Variants in PCARE observed in about 807,000 individuals in gnomAD.
PCARE encodes the protein photoreceptor cilium actin regulator, also known as uncharacterized protein C2orf71.
Under a neutral mutation model 82.2 loss-of-function variants are expected in PCARE, and 72 were observed. The ratio of observed to expected loss-of-function variants is 0.88; its 90% confidence interval spans 0.72 to 1.07. The LOEUF (loss-of-function observed/expected upper bound fraction) is 1.07, where lower values mean the gene tolerates loss of function less well. Among genes scored for constraint, PCARE ranks in the 50% least tolerant of loss-of-function variants. The probability of loss-of-function intolerance (pLI) is 0.00; values close to 1 mark genes in which losing one functional copy is unlikely to be tolerated. For synonymous variants in PCARE, 705 were observed against 634.8 expected (o/e 1.11, Z -1.66); for missense variants, 1,768 against 1,592.4 (o/e 1.11, Z -1.88).
chr2:29,074,351 A>C lies in PCARE; in HGVS notation c.-90T>G, dbSNP rs1667551466. ...GAACAAAAGGCAATCTTACTAGTCC[A>C]TCCAGGCAATTTTCAGGCCAGAATT... On this transcript the variant is annotated 5_prime_UTR_variant, in exon 1 of 2. It removes an upstream start codon present in the reference 5' UTR. Coordinates refer to ENST00000331664, the MANE Select transcript of PCARE (RefSeq NM_001029883.3). 7.2e-7 allele frequency: 1 copy of C among 1,383,822 alleles called. No homozygotes were observed. Among genetic ancestry groups the C allele is most frequent in the Non-Finnish European group, 9.7e-7 (1 of 1,030,330 alleles). The allele number at this position is 1,383,822 out of a possible 1,614,324, so 85.7% of individuals were successfully genotyped here. A position where few individuals can be genotyped will look rare whatever the true frequency, so the allele number is the denominator to read the frequency against.
At chr2:29,065,969 A>T (rs1667384340) in intron 1 of PCARE, among the ~76,000 whole-genome samples, 1 of 152,158 alleles carries the variant, frequency 6.6e-6, no homozygotes, top group Non-Finnish European at 1.5e-5. Flanking sequence ...TAACATGGTG[A>T]AACCCCATCT....
At chr2:29,070,397 G>A (rs1184008373) in intron 1 of PCARE, among the ~76,000 whole-genome samples, 197 bp downstream of exon 1, 3 of 152,168 alleles carry the variant, frequency 2.0e-5, no homozygotes, top group African/African-American at 7.2e-5. Flanking sequence ...GCTGGAATGT[G>A]TAACAGATAA....
chr2:29,069,646 T>C (rs1483394807), intron 1 of PCARE, among the ~76,000 whole-genome samples: 1 of 152,090 alleles, frequency 6.6e-6, no homozygotes, highest in Non-Finnish European at 1.5e-5. Context: ...CAAGTTTACC[T>C]ACATCACAAA....
At position 29,073,147 on chromosome 2, in the gene PCARE, T is replaced by C; in HGVS notation, c.1115A>G (p.Asp372Gly). ...CCATTCTTCGGGCTCTGGTGCAAGG[T>C]CCCAGCTGGTTTGCTTGCCCAGCTT... The part of the protein sequence containing the change: ...VDKLGKQTSW[D>G]LAPEPEEWKS... Residue 372 changes from aspartate (D) to glycine (G), a missense_variant, in exon 1 of 2, where the codon GAC becomes GGC. Coordinates refer to ENST00000331664, the MANE Select transcript of PCARE (RefSeq NM_001029883.3). 6.2e-7 allele frequency: 1 copy of C among 1,614,078 alleles called. No homozygotes were observed. Among genetic ancestry groups the C allele is most frequent in the Non-Finnish European group, 8.5e-7 (1 of 1,180,012 alleles).
intron 1 of PCARE, among the ~76,000 whole-genome samples, chr2:29,065,631 G>C (rs1251071597): frequency 1.3e-5 from 2 of 152,222 alleles, no homozygotes; most frequent in Non-Finnish European, 2.9e-5. Context: ...AGCCTGAGTG[G>C]GATTTGGGAG....
At position 29,070,886 on chromosome 2, in the gene PCARE, C is replaced by T. The variant is rs1264499831; in HGVS notation, c.3376G>A (p.Ala1126Thr). The change falls in exon 1 of 2, where the codon GCT (alanine) becomes ACT (threonine). Residue 1126 changes from alanine to threonine, a missense_variant. By Grantham distance (58) the Ala-to-Thr change is moderately conservative. Coordinates refer to ENST00000331664, the MANE Select transcript of PCARE (RefSeq NM_001029883.3). ...SGNTHSIFCP[A>T]TSSLFEAKPP... The stretch of plus-strand genomic sequence containing the variant: ...TTAGCTTCAAACAGAGAGGAGGTAG[C>T]TGGGCAGAATATGGAATGTGTGTTC... 6.2e-7 allele frequency: 1 copy of T among 1,613,760 alleles called. No homozygotes were observed. The highest frequency in any genetic ancestry group is 8.5e-7 in the Non-Finnish European group (1 of 1,180,004).
In PCARE at chr2:29,073,833, G is replaced by A. The variant is rs370544593; in HGVS notation, c.429C>T (p.Ser143=). 2.4e-5 allele frequency: 38 copies of A among 1,614,076 alleles called. No individual in the cohort carries two copies. Among genetic ancestry groups the A allele is most frequent in the Non-Finnish European group, 3.1e-5 (37 of 1,180,048 alleles). The change falls in exon 1 of 2, where the codon TCC becomes TCT. Residue 143 remains serine (S), a synonymous_variant. Coordinates refer to ENST00000331664, the MANE Select transcript of PCARE (RefSeq NM_001029883.3). ...GACATTTTGCTGTCCTTTTCCATTT[G>A]GAAGTATCTTGGGTACTACTTTCCT... The part of the protein sequence containing the change: ...ESEESSTQDT[S]KWKRTAKCHT...
chr2:29,070,951 T>A lies in PCARE; in HGVS notation c.3311A>T (p.Asp1104Val). 6.2e-7 allele frequency: 1 copy of A among 1,611,684 alleles called. No homozygotes were observed. Among genetic ancestry groups the A allele is most frequent in the Non-Finnish European group, 8.5e-7 (1 of 1,179,528 alleles). ...SPSQEHKETR[D>V]SEDSQAVIAK... ...TATGACTGCTTGGCTGTCTTCAGAG[T>A]CTCTTGTTTCCTTGTGCTCCTGAGA... is the stretch of plus-strand genomic sequence containing the variant. Residue 1104 changes from aspartate to valine, a missense_variant, in exon 1 of 2, where the codon GAC becomes GTC. By Grantham distance (152) the Asp-to-Val change is radical. Transcript: ENST00000331664.
In PCARE at chr2:29,065,061, G is replaced by A. The variant is rs1572822221; in HGVS notation, c.3675C>T (p.Ser1225=). ...CTGTGTCCTTCTTAGGGCTCTCCTC[G>A]CTGCTGCTGCCGAGAGAAAGGACAA... ...YESQLGQNSS[S]EESPKKDTEP... is the part of the protein sequence containing the mutation. Residue 1225 remains serine (S), a synonymous_variant, in exon 2 of 2, where the codon AGC becomes AGT. Transcript: ENST00000331664. The A allele has an allele frequency of 6.8e-7, 1 of 1,468,182 alleles. No homozygotes were observed. The highest frequency in any genetic ancestry group is 1.7e-4 in the Middle Eastern group (1 of 5,772). The allele number at this position is 1,468,182 out of a possible 1,614,324, so 90.9% of individuals were successfully genotyped here. A position where few individuals can be genotyped will look rare whatever the true frequency, so the allele number is the denominator to read the frequency against.
rs773124245 is a variant in PCARE at position 29,073,103 on chromosome 2, G to C, written c.1159C>G (p.His387Asp). ...PEEWKSVTSP[H>D]TEARQSGHTW... ...TGTCCTGACTGCCTGGCCTCTGTGT[G>C]GGGTGAAGTCACCGACTTCCATTCT... The change falls in exon 1 of 2, where the codon CAC becomes GAC. Residue 387 changes from histidine to aspartate, a missense_variant. Physicochemically the swap from His to Asp is moderately conservative, Grantham distance 81. Transcript: ENST00000331664. 9.3e-6 allele frequency: 15 copies of C among 1,614,066 alleles called. No homozygotes were observed. The highest frequency in any genetic ancestry group is 1.3e-5 in the Non-Finnish European group (15 of 1,180,038).
At position 29,062,724 on chromosome 2, in the gene PCARE, G is replaced by A. The variant is rs895697379; in HGVS notation, c.*2145C>T. The A allele has an allele frequency of 6.6e-6, 1 of 152,216 alleles. No individual in the cohort carries two copies. The highest frequency in any genetic ancestry group is 1.5e-5 in the Non-Finnish European group (1 of 68,060). 9.4% of individuals were successfully genotyped at this position (152,216 alleles called of 1,614,324 possible). On this transcript the variant is annotated 3_prime_UTR_variant, in exon 2 of 2. Coordinates refer to ENST00000331664, the MANE Select transcript of PCARE (RefSeq NM_001029883.3). ...AAGATGAGGCCCTTTACGGAAGGAG[G>A]CCTGGGCTGGAGACTCAGCCTTGCT... is the stretch of plus-strand genomic sequence containing the variant.
At position 29,072,420 on chromosome 2, in the gene PCARE, C is replaced by T; in HGVS notation, c.1842G>A (p.Arg614=). Residue 614 remains arginine, a synonymous_variant, in exon 1 of 2, where the codon AGG becomes AGA. Transcript: ENST00000331664. ...VEDPTFQELR[R]VQRDLSQKLE... Reference sequence around the variant, plus strand: ...GCTTCTGACTGAGGTCCCTCTGGACCCTTCGCAGCTCCTGAAAGGTGGGGT... The same window carrying T: ...GCTTCTGACTGAGGTCCCTCTGGACTCTTCGCAGCTCCTGAAAGGTGGGGT... 1.2e-6 allele frequency: 2 copies of T among 1,614,152 alleles called. No homozygotes were observed. The highest frequency in any genetic ancestry group is 1.7e-6 in the Non-Finnish European group (2 of 1,180,026).
chr2:29,071,888 G>C lies in PCARE; in HGVS notation c.2374C>G (p.Leu792Val), dbSNP rs17744093. 0.2 allele frequency: 324,948 copies of C among 1,614,074 alleles called. 35,156 individuals carry two copies. Among genetic ancestry groups the C allele is most frequent in the Non-Finnish European group, 0.23 (269,740 of 1,179,968 alleles). ...GGCTTCCAGCCTATGCCCATTTTGA[G>C]AGATTCTCTGCCTGATGCTGGAGAA... ...QISPASGRESLKMGIGWKPLA... is the reference protein window; with the variant it reads ...QISPASGRESVKMGIGWKPLA... Residue 792 changes from leucine to valine, a missense_variant, in exon 1 of 2, where the codon CTC becomes GTC. Leu to Val is a conservative substitution (Grantham distance 32). Transcript: ENST00000331664.
In PCARE at chr2:29,071,262, G is replaced by T; in HGVS notation, c.3000C>A (p.His1000Gln). 6.2e-7 allele frequency: 1 copy of T among 1,613,492 alleles called. No homozygotes were observed. The highest frequency in any genetic ancestry group is 8.5e-7 in the Non-Finnish European group (1 of 1,179,920). Reference sequence around the variant, plus strand: ...GCCTCTTGTCTGCTTGAGGCACCCAGTGTGTCCTCGTGGGAGAGGCCTTTC... The same window carrying T: ...GCCTCTTGTCTGCTTGAGGCACCCATTGTGTCCTCGTGGGAGAGGCCTTTC... ...VGRKASPTRT[H>Q]WVPQADKRRR... is the part of the protein sequence containing the mutation. The change falls in exon 1 of 2, where the codon CAC becomes CAA. Residue 1000 changes from histidine (H) to glutamine (Q), a missense_variant. By Grantham distance (24) the His-to-Gln change is conservative. Coordinates refer to ENST00000331664, the MANE Select transcript of PCARE (RefSeq NM_001029883.3).
Position 29,074,063 on chromosome 2 carries a change from T to C in PCARE, c.199A>G (p.Asn67Asp), listed in dbSNP as rs1464484832. 4 of 1,614,098 alleles carry C rather than the reference T, an allele frequency of 2.5e-6. No homozygotes were observed. The highest frequency in any genetic ancestry group is 3.4e-6 in the Non-Finnish European group (4 of 1,180,050). Residue 67 changes from asparagine to aspartate, a missense_variant, in exon 1 of 2, where the codon AAC becomes GAC. By Grantham distance (23) the Asn-to-Asp change is conservative (BLOSUM62 1). Transcript: ENST00000331664. Reference sequence around the variant, plus strand: ...CAAAGACCTTTAGCTGTGGTTTGGTTCCTCCTGGGACTTGGCTGCTCCTCT... The same window carrying C: ...CAAAGACCTTTAGCTGTGGTTTGGTCCCTCCTGGGACTTGGCTGCTCCTCT... ...LAEEQPSPRR[N>D]QTTAKGLCQL...
At position 29,061,748 on chromosome 2, in the gene PCARE, A is replaced by G. The variant is rs928285599; in HGVS notation, c.*3121T>C. 1 of 152,212 alleles carries G rather than the reference A, an allele frequency of 6.6e-6. No homozygotes were observed. Among genetic ancestry groups the G allele is most frequent in the Non-Finnish European group, 1.5e-5 (1 of 68,042 alleles). The allele number at this position is 152,212 out of a possible 1,614,324, so 9.4% of individuals were successfully genotyped here. ...TAAAACAAAAAGCAGAACAAAGAAA[A>G]ACTGTCCTCCCTTCCCCCTTGGGCA... On this transcript the variant is annotated 3_prime_UTR_variant, in exon 2 of 2. Transcript: ENST00000331664.
rs140854041 is a variant in PCARE, at chr2:29,074,308, G to A, written c.-47C>T. On this transcript the variant is annotated 5_prime_UTR_variant, in exon 1 of 2. Coordinates refer to ENST00000331664, the MANE Select transcript of PCARE (RefSeq NM_001029883.3). ...TCCACCCACCTTCACAATTTTCCAA[G>A]AATCATATTTGAAATAGGAACAAAA... 2.0e-6 allele frequency: 3 copies of A among 1,511,948 alleles called. No individual in the cohort carries two copies. The highest frequency in any genetic ancestry group is 2.6e-6 in the Non-Finnish European group (3 of 1,133,152). 93.7% of individuals were successfully genotyped at this position (1,511,948 alleles called of 1,614,324 possible).
chr2:29,074,025 T>C lies in PCARE; in HGVS notation c.237A>G (p.Gly79=). 6.2e-7 allele frequency: 1 copy of C among 1,614,196 alleles called. No individual in the cohort carries two copies. Among genetic ancestry groups the C allele is most frequent in the Non-Finnish European group, 8.5e-7 (1 of 1,180,026 alleles). ...TTAKGLCQLM[G]DPASGKRKDM... ...CTTTCCTTTTGCCTGAAGCAGGATCTCCCATGAGCTGACAAAGACCTTTAG... is the reference window on the plus strand; with the variant it reads ...CTTTCCTTTTGCCTGAAGCAGGATCCCCCATGAGCTGACAAAGACCTTTAG... Residue 79 remains glycine, a synonymous_variant, in exon 1 of 2, where the codon GGA becomes GGG. Transcript: ENST00000331664.
chr2:29,065,168 C>G (rs1667373895), intron 1 of PCARE, 101 bp from the exon 2 acceptor site: 2 of 1,349,594 alleles, frequency 1.5e-6, no homozygotes, highest in African/African-American at 1.4e-5. Context: ...CCTCCCCAGC[C>G]CTCTCCCACA....
Sources: gnomAD v4.1 joint callset for allele counts (sites outside exome capture counted in the v4.1 genomes callset) on GRCh38, gnomAD v4.1.1 for gene constraint, MANE v1.5 for transcripts, NCBI Gene and HGNC (gene_info 2026-07-23, HGNC 2026-07-21) for gene names.